The following XRCC4 variants were observed in gnomAD, a reference collection of about 807,000 sequenced individuals.
The protein encoded by XRCC4 is X-ray repair cross complementing 4.
In XRCC4, 28 loss-of-function variants were observed where a neutral mutation model predicts 39.1. That is an observed-to-expected ratio of 0.72 (90% CI 0.53 to 0.98). The LOEUF is 0.98. Among genes scored for constraint, XRCC4 ranks in the 50% least tolerant of loss-of-function variants. The pLI is 0.00. For missense variants in XRCC4, 350 were observed against 376.4 expected (o/e 0.93, Z 0.58); for synonymous variants, 123 against 126.4 (o/e 0.97, Z 0.18).
chr5:83,283,181 C>T (rs1206502632), intron 7 of XRCC4, among the ~76,000 whole-genome samples: 1 of 152,134 alleles, frequency 6.6e-6, no homozygotes, highest in Non-Finnish European at 1.5e-5. Flanking sequence ...CCTGCTGTAG[C>T]TATGAAATGT....
At chr5:83,211,109 A>T (rs958412845) in intron 6 of XRCC4, among the ~76,000 whole-genome samples, 2 of 152,226 alleles carry the variant, frequency 1.3e-5, no homozygotes, top group African/African-American at 4.8e-5. Context: ...AAGTACTTCC[A>T]AACATGGCCA....
chr5:83,164,360 A>AAT (rs1382382838), intron 3 of XRCC4, among the ~76,000 whole-genome samples: 4 of 152,188 alleles, frequency 2.6e-5, no homozygotes, highest in Non-Finnish European at 5.9e-5. Flanking sequence ...CATTCCTTAT[A>AAT]AAAGTCCCCA....
At chr5:83,104,834 C>A in intron 1 of XRCC4, 76 bp from the exon 2 acceptor site, 2 of 1,361,006 alleles carry the variant, frequency 1.5e-6, no homozygotes, top group Non-Finnish European at 1.0e-6. Flanking sequence ...GTTTGTGTAG[C>A]TGAGAGGCCA....
chr5:83,361,203 T>C, the XRCC4 span, among the ~76,000 whole-genome samples: 1 of 152,192 alleles, frequency 6.6e-6, no homozygotes, highest in African/African-American at 2.4e-5. Context: ...GAAGCTCTTT[T>C]GTTACTATCA....
intron 3 of XRCC4, among the ~76,000 whole-genome samples, chr5:83,133,751 G>A (rs1412947012): frequency 6.6e-6 from 1 of 152,218 alleles, no homozygotes; most frequent in South Asian, 2.1e-4. Context: ...CGCAGTACTA[G>A]GGTGGGAGTG....
the XRCC4 span, among the ~76,000 whole-genome samples, chr5:83,366,669 C>A: frequency 6.6e-6 from 1 of 152,162 alleles, no homozygotes; most frequent in Non-Finnish European, 1.5e-5. Context: ...CTGGTTGTAT[C>A]CACTACCCTG....
chr5:83,154,901 T>C (rs1329828431), intron 3 of XRCC4, among the ~76,000 whole-genome samples: 3 of 152,196 alleles, frequency 2.0e-5, no homozygotes, highest in African/African-American at 7.2e-5. Flanking sequence ...TCATCTCTTA[T>C]CATTCGCAGT....
chr5:83,334,545 A>G (rs930269867), intron 7 of XRCC4, among the ~76,000 whole-genome samples: 2 of 152,024 alleles, frequency 1.3e-5, no homozygotes, highest in African/African-American at 4.8e-5. Context: ...TATTATGTAG[A>G]CCTGTAATTA....
chr5:83,078,108 C>T (rs1445371550), intron 1 of XRCC4, among the ~76,000 whole-genome samples: 3 of 152,218 alleles, frequency 2.0e-5, no homozygotes, highest in African/African-American at 7.2e-5. Context: ...GAAGGAACTG[C>T]CGTTTGCGGA....
the XRCC4 span, among the ~76,000 whole-genome samples, chr5:83,374,368 G>C: frequency 1.3e-5 from 2 of 152,276 alleles, no homozygotes; most frequent in East Asian, 3.9e-4. Context: ...ATTCACTCTT[G>C]TTTACCGCCA....
At chr5:83,293,580 C>CT (rs1342021999) in intron 7 of XRCC4, among the ~76,000 whole-genome samples, 1 of 152,000 alleles carries the variant, frequency 6.6e-6, no homozygotes, top group East Asian at 1.9e-4. Flanking sequence ...TCTCTTTCCT[C>CT]TTTGAGCTTG....
At position 83,353,394 on chromosome 5, in the gene XRCC4, A is replaced by T; in HGVS notation, c.*152A>T. ...GAATTGAAACCATTGTGCAAAATGG[A>T]TTACACATGTATACAAAGATACGAT... On this transcript the variant is annotated 3_prime_UTR_variant, in exon 8 of 8. Coordinates refer to ENST00000396027, the MANE Select transcript of XRCC4 (RefSeq NM_003401.5). 1 of 583,956 alleles carries T rather than the reference A, an allele frequency of 1.7e-6. No individual in the cohort carries two copies. Among genetic ancestry groups the T allele is most frequent in the South Asian group, 2.6e-5 (1 of 38,214 alleles). The allele number at this position is 583,956 out of a possible 1,614,324, so 36.2% of individuals were successfully genotyped here.
At chr5:83,350,674 C>T (rs1038393953) in intron 7 of XRCC4, among the ~76,000 whole-genome samples, 4 of 152,132 alleles carry the variant, frequency 2.6e-5, no homozygotes, top group Admixed American at 6.6e-5. Context: ...AGACTTTTGA[C>T]AGATGCATAT....
intron 7 of XRCC4, among the ~76,000 whole-genome samples, chr5:83,266,753 A>G (rs1383142699): frequency 6.6e-6 from 1 of 152,132 alleles, no homozygotes; most frequent in African/African-American, 2.4e-5. Flanking sequence ...TCTAGATCAA[A>G]TATGTATATG....
intron 6 of XRCC4, among the ~76,000 whole-genome samples, chr5:83,209,733 A>G (rs911280905): frequency 9.2e-5 from 14 of 152,004 alleles, no homozygotes; most frequent in African/African-American, 3.4e-4. Context: ...ATTTCTATGA[A>G]TAGAGTTGAC....
intron 6 of XRCC4, among the ~76,000 whole-genome samples, chr5:83,247,447 G>T (rs1340196806): frequency 6.6e-6 from 1 of 152,086 alleles, no homozygotes; most frequent in African/African-American, 2.4e-5. Flanking sequence ...CCCGGTCCAT[G>T]GAAAAATTGT....
intron 6 of XRCC4, 140 bp from the exon 7 acceptor site, chr5:83,258,390 C>T (rs1420869496): frequency 9.6e-6 from 10 of 1,040,618 alleles, no homozygotes; most frequent in Non-Finnish European, 9.7e-6. Context: ...CTTGATTCAA[C>T]AAATCTGCAT....
At chr5:83,333,347 A>T (rs1484221018) in intron 7 of XRCC4, among the ~76,000 whole-genome samples, 1 of 152,198 alleles carries the variant, frequency 6.6e-6, no homozygotes, top group African/African-American at 2.4e-5. Context: ...TGTGTGAGTT[A>T]CTTTTCTTTC....
At chr5:83,262,236 G>A (rs904117818) in intron 7 of XRCC4, among the ~76,000 whole-genome samples, 33 of 152,104 alleles carry the variant, frequency 2.2e-4, no homozygotes, top group Admixed American at 1.3e-3. Flanking sequence ...CAGCACAGCC[G>A]GTGTTTTATT....
Sources: allele counts gnomAD v4.1 joint callset (sites outside exome capture counted in the v4.1 genomes callset), GRCh38; gene constraint gnomAD v4.1.1; transcripts MANE v1.5; gene names NCBI Gene and HGNC (gene_info 2026-07-23, HGNC 2026-07-21).